EXOC4: variants seen among roughly 807,000 people sequenced by gnomAD.
EXOC4 encodes the protein exocyst complex component 4.
In EXOC4, 71 loss-of-function variants were observed where a neutral mutation model predicts 107.2. That is an observed-to-expected ratio of 0.66 (90% CI 0.55 to 0.81). The LOEUF (loss-of-function observed/expected upper bound fraction) is 0.81. EXOC4 is among the 30% of genes least tolerant of loss of function. EXOC4 has a pLI of 0.00. For synonymous variants in EXOC4, 456 were observed against 441.2 expected (o/e 1.03, Z -0.42); for missense variants, 1,108 against 1,189.6 (o/e 0.93, Z 1.01).
chr7:133,350,197 T>C (rs1025389918), intron 5 of EXOC4, among the ~76,000 whole-genome samples: 4 of 152,136 alleles, frequency 2.6e-5, no homozygotes, highest in Non-Finnish European at 5.9e-5. Context: ...AATTTGATTT[T>C]TTCTTTTATT....
intron 5 of EXOC4, among the ~76,000 whole-genome samples, chr7:133,337,412 T>G (rs1302344657): frequency 6.6e-6 from 1 of 152,176 alleles, no homozygotes; most frequent in Non-Finnish European, 1.5e-5. Flanking sequence ...ACTTTTTTTC[T>G]TATAATTTTT....
intron 11 of EXOC4, among the ~76,000 whole-genome samples, chr7:133,843,920 C>T (rs1798070863): frequency 6.6e-6 from 1 of 152,146 alleles, no homozygotes; most frequent in Admixed American, 6.5e-5. Flanking sequence ...TTGAGCTAAT[C>T]ATGTGGTTTT....
At chr7:133,404,057 G>A (rs1379720430) in intron 7 of EXOC4, among the ~76,000 whole-genome samples, 1 of 152,030 alleles carries the variant, frequency 6.6e-6, no homozygotes, top group Non-Finnish European at 1.5e-5. Context: ...TCTCCATAGT[G>A]CAGCTGGGAT....
At chr7:134,016,827 T>C (rs954774384) in intron 17 of EXOC4, among the ~76,000 whole-genome samples, 2 of 152,216 alleles carry the variant, frequency 1.3e-5, no homozygotes, top group African/African-American at 4.8e-5. Flanking sequence ...ATGACCAAAG[T>C]GTAGTTTGAT....
intron 17 of EXOC4, among the ~76,000 whole-genome samples, chr7:134,027,768 T>C (rs867684957): frequency 1.3e-5 from 2 of 151,036 alleles, no homozygotes; most frequent in African/African-American, 4.9e-5. Flanking sequence ...AAGAATAGAG[T>C]CCTGGTTGGC....
intron 9 of EXOC4, among the ~76,000 whole-genome samples, chr7:133,528,131 C>T (rs567036416): frequency 6.6e-6 from 1 of 152,156 alleles, no homozygotes; most frequent in Non-Finnish European, 1.5e-5. Flanking sequence ...TGAAGACTCA[C>T]CTGATAATCT....
intron 4 of EXOC4, among the ~76,000 whole-genome samples, chr7:133,307,495 A>G (rs1440328187): frequency 6.6e-6 from 1 of 152,330 alleles, no homozygotes; most frequent in African/African-American, 2.4e-5. Flanking sequence ...TTATAAGGGA[A>G]AATGAGCATT....
At chr7:133,267,494 A>G (rs1793758951) in intron 1 of EXOC4, among the ~76,000 whole-genome samples, 1 of 152,192 alleles carries the variant, frequency 6.6e-6, no homozygotes, top group Admixed American at 6.5e-5. Flanking sequence ...CTGTATTCAA[A>G]TGCCATCTTT....
chr7:134,002,025 A>G (rs150720982), intron 15 of EXOC4, among the ~76,000 whole-genome samples: 271 of 152,346 alleles, frequency 1.8e-3, no homozygotes, highest in African/African-American at 4.7e-3. Context: ...CACAGTAGCA[A>G]TCAGTGTGCT....
intron 14 of EXOC4, among the ~76,000 whole-genome samples, chr7:133,975,391 G>A (rs950256271): frequency 2.0e-5 from 3 of 152,006 alleles, no homozygotes. Context: ...TCTCCAGAGA[G>A]AAACACTTGG....
At chr7:133,352,346 A>G (rs1006278184) in intron 5 of EXOC4, among the ~76,000 whole-genome samples, 1 of 151,952 alleles carries the variant, frequency 6.6e-6, no homozygotes, top group Non-Finnish European at 1.5e-5. Context: ...TTTGATAGTC[A>G]TTAGGTGTAT....
intron 9 of EXOC4, chr7:133,601,747 T>G (rs541253656): frequency 6.6e-6 from 1 of 152,358 alleles, no homozygotes; most frequent in South Asian, 2.1e-4. Context: ...GTAGCAGTGG[T>G]TGCACCTGCT....
At chr7:133,997,289 T>A (rs1794416858) in intron 14 of EXOC4, among the ~76,000 whole-genome samples, 1 of 152,218 alleles carries the variant, frequency 6.6e-6, no homozygotes, top group African/African-American at 2.4e-5. Context: ...AATATTATTA[T>A]ATGAATTGAT....
At chr7:133,985,737 G>T (rs1013873300) in intron 14 of EXOC4, among the ~76,000 whole-genome samples, 1 of 151,924 alleles carries the variant, frequency 6.6e-6, no homozygotes, top group Non-Finnish European at 1.5e-5. Flanking sequence ...TCTATATTTT[G>T]TCTGACTTCA....
At chr7:133,474,823 C>G (rs896915565) in intron 7 of EXOC4, among the ~76,000 whole-genome samples, 2 of 152,106 alleles carry the variant, frequency 1.3e-5, no homozygotes, top group Admixed American at 6.6e-5. Flanking sequence ...GATCACTTTA[C>G]AGGTCTTGAA....
chr7:133,577,781 T>A (rs1170504875), intron 9 of EXOC4, among the ~76,000 whole-genome samples: 1 of 152,230 alleles, frequency 6.6e-6, no homozygotes, highest in African/African-American at 2.4e-5. Flanking sequence ...TAAAAAATGC[T>A]CAATACATAT....
chr7:133,329,300 C>T (rs1166887410), intron 5 of EXOC4, among the ~76,000 whole-genome samples: 3 of 152,248 alleles, frequency 2.0e-5, no homozygotes, highest in South Asian at 2.1e-4. Context: ...TATACTGGTT[C>T]TTCTAGTTAG....
At chr7:133,546,749 A>G (rs1800490359) in intron 9 of EXOC4, among the ~76,000 whole-genome samples, 2 of 152,018 alleles carry the variant, frequency 1.3e-5, no homozygotes, top group African/African-American at 4.8e-5. Context: ...ATACCATTCT[A>G]TTCTTATATG....
intron 1 of EXOC4, among the ~76,000 whole-genome samples, chr7:133,258,982 T>A (rs1335044390): frequency 1.3e-5 from 2 of 152,170 alleles, no homozygotes; most frequent in Admixed American, 1.3e-4. Flanking sequence ...ATAATCCTTG[T>A]TGTCCTTTAT....
Sources: gnomAD v4.1 joint callset for allele counts (sites outside exome capture counted in the v4.1 genomes callset) on GRCh38, gnomAD v4.1.1 for gene constraint, MANE v1.5 for transcripts, NCBI Gene and HGNC (gene_info 2026-07-23, HGNC 2026-07-21) for gene names.